The following ASB3 variants were observed in gnomAD, a reference collection of about 807,000 sequenced individuals.
ASB3 encodes ankyrin repeat and SOCS box containing 3, also known as ankyrin repeat and SOCS box protein 3.
In ASB3, 41 loss-of-function variants were observed where a neutral mutation model predicts 54.5. The observed-to-expected ratio is 0.75, with a 90% CI of 0.59 to 0.98. The LOEUF is 0.98. ASB3 is among the 50% of genes least tolerant of loss of function. The probability of loss-of-function intolerance (pLI) is 0.00; values close to 1 mark genes in which losing one functional copy is unlikely to be tolerated. For synonymous variants in ASB3, 266 were observed against 221.2 expected (o/e 1.20, Z -1.80); for missense variants, 733 against 620.0 (o/e 1.18, Z -1.94).
chr2:53,768,255 C>A, intron 1 of ASB3: 1 of 474,674 alleles, frequency 2.1e-6, no homozygotes, highest in Non-Finnish European at 3.7e-6. Context: ...CTAGAGACGG[C>A]GAGAAGCGCG....
intron 2 of ASB3, among the ~76,000 whole-genome samples, chr2:53,757,228 G>C (rs958213396): frequency 6.6e-6 from 1 of 152,244 alleles, no homozygotes; most frequent in African/African-American, 2.4e-5. Flanking sequence ...AAAATAATTA[G>C]TGTGGCTGCC....
rs563165213 is a variant in ASB3, at chr2:53,700,551, A to C, written c.981-23T>G. On this transcript the variant is annotated intron_variant, in intron 7 of 9. Transcript: ENST00000263634. ...CAGCTCCACCATAAAAAATAAAAAC[A>C]AAAAAAGAAGAAGTTAGACTTTGAC... 143 of 1,575,980 alleles carry C rather than the reference A, an allele frequency of 9.1e-5. 1 individual carries two copies. The African/African-American group carries it at 1.9e-3, about 20-fold the overall frequency.
chr2:53,775,968 G>A (rs1674311755), intron 1 of ASB3, among the ~76,000 whole-genome samples: 1 of 152,136 alleles, frequency 6.6e-6, no homozygotes, highest in Non-Finnish European at 1.5e-5. Context: ...AACTCACATA[G>A]AATTAACTTT....
chr2:53,779,739 A>G (rs796596625), intron 1 of ASB3, among the ~76,000 whole-genome samples: 35 of 152,302 alleles, frequency 2.3e-4, no homozygotes, highest in African/African-American at 7.2e-4. Flanking sequence ...GCCCAGTCCA[A>G]TCAAGTAATT....
At chr2:53,711,151 A>G (rs1377361466) in intron 7 of ASB3, among the ~76,000 whole-genome samples, 1 of 152,114 alleles carries the variant, frequency 6.6e-6, no homozygotes, top group African/African-American at 2.4e-5. Context: ...AAAATAAAAA[A>G]CAATTTGGGT....
At chr2:53,726,254 T>G (rs1670986252) in intron 5 of ASB3, among the ~76,000 whole-genome samples, 1 of 144,904 alleles carries the variant, frequency 6.9e-6, no homozygotes. Flanking sequence ...CTATTTAATC[T>G]AAATTTTTTT....
chr2:53,728,725 T>C lies in ASB3; in HGVS notation c.591A>G (p.Ile197Met), dbSNP rs765619403. The C allele has an allele frequency of 6.2e-7, 1 of 1,605,790 alleles. No homozygotes were observed. Among genetic ancestry groups the C allele is most frequent in the Admixed American group, 1.7e-5 (1 of 58,732 alleles). ...AQYGKLESLS[I>M]LISSGANVNC... ...GGATAATCTTACCCGATGAAATAAG[T>C]ATGCTCAAGCTTTCTAGCTTGCCAT... is the stretch of plus-strand genomic sequence containing the variant. The change falls in exon 5 of 10, where the codon ATA (isoleucine) becomes ATG (methionine). Residue 197 changes from isoleucine (I) to methionine (M), a missense_variant. Transcript: ENST00000263634.
chr2:53,747,471 G>A (rs1023753960), intron 3 of ASB3, among the ~76,000 whole-genome samples: 3 of 152,160 alleles, frequency 2.0e-5, no homozygotes, highest in Non-Finnish European at 4.4e-5. Flanking sequence ...ACTTGAACCC[G>A]GGAGGCAGAG....
At chr2:53,774,525 AT>A (rs1337548109) in intron 1 of ASB3, 2 of 1,527,212 alleles carry the variant, frequency 1.3e-6, no homozygotes, top group Non-Finnish European at 1.7e-6. Flanking sequence ...ATTGCATATA[AT>A]TTAGTCTTCA....
chr2:53,719,747 T>C (rs1042361339), intron 5 of ASB3, among the ~76,000 whole-genome samples: 2 of 152,202 alleles, frequency 1.3e-5, no homozygotes, highest in African/African-American at 2.4e-5. Context: ...CAGAAACCCT[T>C]CTCAGGTTTT....
chr2:53,746,648 T>C (rs950405739), intron 3 of ASB3, among the ~76,000 whole-genome samples: 11 of 152,154 alleles, frequency 7.2e-5, no homozygotes, highest in South Asian at 4.2e-4. Flanking sequence ...CCAGCTAATT[T>C]TTTGTATTTT....
At chr2:53,728,562 T>C in intron 5 of ASB3, 150 bp downstream of exon 5, 1 of 1,073,592 alleles carries the variant, frequency 9.3e-7, no homozygotes, top group Non-Finnish European at 1.2e-6. Context: ...ACCAGGTTTA[T>C]AAATCAATTT....
intron 2 of ASB3, among the ~76,000 whole-genome samples, chr2:53,753,442 T>C (rs903640784): frequency 1.3e-5 from 2 of 152,060 alleles, no homozygotes; most frequent in Non-Finnish European, 2.9e-5. Context: ...TGTTCTGGAG[T>C]AGAGTCCAGA....
intron 3 of ASB3, among the ~76,000 whole-genome samples, chr2:53,747,942 G>A (rs531354390): frequency 1.1e-4 from 16 of 152,284 alleles, no homozygotes; most frequent in African/African-American, 3.9e-4. Flanking sequence ...GAAACCTTTT[G>A]TCAATAAACA....
At chr2:53,712,769 GGC>G (rs762941607) in intron 7 of ASB3, among the ~76,000 whole-genome samples, 5 of 147,412 alleles carry the variant, frequency 3.4e-5, no homozygotes, top group African/African-American at 5.0e-5. Context: ...CACACACACA[GGC>G]GCGCGCGCGC....
At chr2:53,743,563 C>T (rs544508597) in intron 3 of ASB3, among the ~76,000 whole-genome samples, 2 of 151,904 alleles carry the variant, frequency 1.3e-5, no homozygotes, top group African/African-American at 2.4e-5. Flanking sequence ...GTTGGAAAAG[C>T]GGGGGGAGAA....
chr2:53,687,811 G>C (rs139449963), intron 9 of ASB3, among the ~76,000 whole-genome samples: 2 of 152,214 alleles, frequency 1.3e-5, no homozygotes, highest in Admixed American at 1.3e-4. Flanking sequence ...TCCATTATTT[G>C]TAGCTCTTTT....
chr2:53,714,884 AC>A (rs1670301274), intron 6 of ASB3, among the ~76,000 whole-genome samples: 2 of 152,134 alleles, frequency 1.3e-5, no homozygotes, highest in Admixed American at 1.3e-4. Flanking sequence ...CACCACCTTA[AC>A]CCCCAAAATT....
intron 9 of ASB3, among the ~76,000 whole-genome samples, chr2:53,690,065 G>C (rs1484009431): frequency 6.6e-6 from 1 of 151,486 alleles, no homozygotes; most frequent in African/African-American, 2.4e-5. Context: ...GCGAAACCCT[G>C]TCTCAACAAA....
Sources: allele counts gnomAD v4.1 joint callset (sites outside exome capture counted in the v4.1 genomes callset), GRCh38; gene constraint gnomAD v4.1.1; transcripts MANE v1.5; gene names NCBI Gene and HGNC (gene_info 2026-07-23, HGNC 2026-07-21).